Variants in CSNK1G2 observed in about 807,000 individuals in gnomAD.
CSNK1G2 encodes casein kinase 1 gamma 2.
CSNK1G2 carries 11 observed loss-of-function variants against 48.0 expected under a neutral mutation model. That is an observed-to-expected ratio of 0.23 (90% CI 0.14 to 0.38). The LOEUF (loss-of-function observed/expected upper bound fraction) is 0.38. CSNK1G2 is among the 10% of genes least tolerant of loss of function. CSNK1G2 has a pLI of 1.00. For synonymous variants in CSNK1G2, 337 were observed against 254.1 expected (o/e 1.33, Z -3.10); for missense variants, 446 against 595.5 (o/e 0.75, Z 2.61).
intron 1 of CSNK1G2, among the ~76,000 whole-genome samples, chr19:1,945,890 G>T (rs1220413062): frequency 6.6e-6 from 1 of 152,120 alleles, no homozygotes; most frequent in Admixed American, 6.5e-5. Flanking sequence ...GCACGCTGGG[G>T]TAGAGCAGTG....
rs954396307 is a variant in CSNK1G2, at chr19:1,961,287, G to C, written c.-265-8221G>C. On this transcript the variant is annotated intron_variant, in intron 1 of 11. Transcript: ENST00000255641. ...CGGTCCCCATGGCCAGAACCTGGCCGTGGCGGGTGGAGGACTTGAGGCCGG... is the reference window on the plus strand; with the variant it reads ...CGGTCCCCATGGCCAGAACCTGGCCCTGGCGGGTGGAGGACTTGAGGCCGG... 5.3e-5 allele frequency among the ~76,000 whole-genome samples: 8 copies of C among 152,226 alleles called. 1 individual carries two copies. Among genetic ancestry groups the C allele is most frequent in the Admixed American group, 3.3e-4 (5 of 15,284 alleles).
chr19:1,941,675 C>T (rs1962186033), intron 1 of CSNK1G2, among the ~76,000 whole-genome samples: 1 of 149,808 alleles, frequency 6.7e-6, no homozygotes, highest in African/African-American at 2.5e-5. Flanking sequence ...ACCGCCCTAA[C>T]CCGCGCTCAG....
Position 1,978,026 on chromosome 19 carries a change from G to A in CSNK1G2, c.188-279G>A, listed in dbSNP as rs565495200. Among the ~76,000 whole-genome samples, 5 of 151,754 alleles carry A rather than the reference G, an allele frequency of 3.3e-5. No homozygotes were observed. The East Asian group carries it at 7.8e-4, about 24-fold the overall frequency. On this transcript the variant is annotated intron_variant, in intron 2 of 11. Transcript: ENST00000255641. The surrounding 1 kb of genome is among the most constrained non-coding windows in gnomAD (Gnocchi z 7.3). ...GGCCGTGAGAGACCTCCCCAGTGCC[G>A]CTTCTGTCCTGGGCTAGGGAGGTGG...
rs536289886 is a variant in CSNK1G2, at chr19:1,980,433, C to G, written c.*230C>G. On this transcript the variant is annotated 3_prime_UTR_variant, in exon 12 of 12. Coordinates refer to ENST00000255641, the MANE Select transcript of CSNK1G2 (RefSeq NM_001319.7). The stretch of plus-strand genomic sequence containing the variant: ...AATTTCTACACCTGTGTCTAGTCCT[C>G]CCCTCCAAGAGCATTAACTATTTAA... 3.3e-6 allele frequency: 2 copies of G among 606,888 alleles called. No homozygotes were observed. Among genetic ancestry groups the G allele is most frequent in the Admixed American group, 3.0e-5 (1 of 33,338 alleles). The allele number at this position is 606,888 out of a possible 1,614,324, so 37.6% of individuals were successfully genotyped here. A position where few individuals can be genotyped will look rare whatever the true frequency, so the allele number is the denominator to read the frequency against.
In CSNK1G2 at chr19:1,979,995, G is replaced by A; in HGVS notation, c.1171G>A (p.Val391Met). The A allele has an allele frequency of 6.3e-7, 1 of 1,582,074 alleles. No homozygotes were observed. Among genetic ancestry groups the A allele is most frequent in the Non-Finnish European group, 8.6e-7 (1 of 1,163,338 alleles). ...SNAPITAPAEVEVADETKCCC... is the reference protein window; with the variant it reads ...SNAPITAPAEMEVADETKCCC... ...CGCCCCGATCACAGCGCCTGCAGAG[G>A]TGGAGGTGGCCGATGAAACCAAGTA... Residue 391 changes from valine (V) to methionine (M), a missense_variant, in exon 11 of 12, where the codon GTG becomes ATG. By Grantham distance (21) the Val-to-Met change is conservative. Coordinates refer to ENST00000255641, the MANE Select transcript of CSNK1G2 (RefSeq NM_001319.7).
chr19:1,945,948 C>T (rs992485537), intron 1 of CSNK1G2, among the ~76,000 whole-genome samples: 45 of 152,144 alleles, frequency 3.0e-4, no homozygotes, highest in African/African-American at 1.1e-3. Flanking sequence ...GCTGTGGGTG[C>T]CAAGTGGGGC....
intron 1 of CSNK1G2, among the ~76,000 whole-genome samples, chr19:1,964,553 C>T (rs1452629511): frequency 6.6e-6 from 1 of 152,032 alleles, no homozygotes; most frequent in Non-Finnish European, 1.5e-5. Context: ...AAGGTGATGC[C>T]AGGGCTTTTT....
intron 1 of CSNK1G2, among the ~76,000 whole-genome samples, chr19:1,964,458 G>T (rs552202236): frequency 6.6e-6 from 1 of 152,124 alleles, no homozygotes; most frequent in Non-Finnish European, 1.5e-5. Flanking sequence ...GACTTTCCTC[G>T]TGTGGAAGAA....
At chr19:1,975,186 T>C in intron 2 of CSNK1G2, 6 of 985,442 alleles carry the variant, frequency 6.1e-6, no homozygotes, top group Non-Finnish European at 7.2e-6. Flanking sequence ...ATCAAGACGC[T>C]GCCAAGAGCA....
chr19:1,955,145 G>T (rs143791476), intron 1 of CSNK1G2, among the ~76,000 whole-genome samples: 3 of 152,286 alleles, frequency 2.0e-5, no homozygotes, highest in African/African-American at 7.2e-5. Flanking sequence ...TGACCGAGTG[G>T]TGACCGCCTC....
At chr19:1,970,738 G>A (rs1022475846) in intron 2 of CSNK1G2, among the ~76,000 whole-genome samples, 1 of 152,234 alleles carries the variant, frequency 6.6e-6, no homozygotes, top group African/African-American at 2.4e-5. Context: ...GGCATTTGGC[G>A]TCTGTTGCTG....
Position 1,980,621 on chromosome 19 carries a change from A to G in CSNK1G2, c.*418A>G, listed in dbSNP as rs1420914921. The G allele has an allele frequency of 1.8e-5, 4 of 221,964 alleles. No homozygotes were observed. In the East Asian group the frequency reaches 5.9e-4, roughly 33 times the overall value. The allele number at this position is 221,964 out of a possible 1,614,324, so 13.7% of individuals were successfully genotyped here. ...CATAAAGTCCAGCTTGTCTCCCTCGATCCAAAGGCCGTTTTCTCGAGGGGA... is the reference window on the plus strand; with the variant it reads ...CATAAAGTCCAGCTTGTCTCCCTCGGTCCAAAGGCCGTTTTCTCGAGGGGA... On this transcript the variant is annotated 3_prime_UTR_variant, in exon 12 of 12. Coordinates refer to ENST00000255641, the MANE Select transcript of CSNK1G2 (RefSeq NM_001319.7).
In CSNK1G2 at chr19:1,980,334, A is replaced by G. The variant is rs779933743; in HGVS notation, c.*131A>G. On this transcript the variant is annotated 3_prime_UTR_variant, in exon 12 of 12. Coordinates refer to ENST00000255641, the MANE Select transcript of CSNK1G2 (RefSeq NM_001319.7). ...GGCTGGAAGCCAGAACGCAGACTGCAGGGGCCGCGCCTGGCTCAGGCGGCC... is the reference window on the plus strand; with the variant it reads ...GGCTGGAAGCCAGAACGCAGACTGCGGGGGCCGCGCCTGGCTCAGGCGGCC... 7 of 1,149,700 alleles carry G rather than the reference A, an allele frequency of 6.1e-6. No individual in the cohort carries two copies. Among genetic ancestry groups the G allele is most frequent in the Non-Finnish European group, 6.4e-6 (5 of 784,850 alleles). 71.2% of individuals were successfully genotyped at this position (1,149,700 alleles called of 1,614,324 possible).
chr19:1,943,506 G>C (rs2014442876), intron 1 of CSNK1G2, among the ~76,000 whole-genome samples: 1 of 152,186 alleles, frequency 6.6e-6, no homozygotes, highest in Non-Finnish European at 1.5e-5. Context: ...AGTAGGCGAG[G>C]GTTTTTTTAA....
intron 1 of CSNK1G2, among the ~76,000 whole-genome samples, chr19:1,951,763 C>T (rs901230956): frequency 6.8e-6 from 1 of 146,090 alleles, no homozygotes; most frequent in Non-Finnish European, 1.5e-5. Context: ...TCACTGCACG[C>T]TCCGCCTCCC....
chr19:1,970,633 C>G (rs766504931), intron 2 of CSNK1G2, among the ~76,000 whole-genome samples: 1 of 152,302 alleles, frequency 6.6e-6, no homozygotes, highest in East Asian at 1.9e-4. Context: ...CCTTTGGGGC[C>G]GTTCCCAGTC....
chr19:1,942,450 A>C (rs1043139675), intron 1 of CSNK1G2: 1 of 152,290 alleles, frequency 6.6e-6, no homozygotes, highest in Non-Finnish European at 1.5e-5. Flanking sequence ...GGAGTCCAGC[A>C]TCTTCTCCCC....
intron 1 of CSNK1G2, among the ~76,000 whole-genome samples, chr19:1,966,508 T>C (rs139967090): frequency 6.6e-6 from 1 of 152,278 alleles, no homozygotes; most frequent in East Asian, 1.9e-4. Flanking sequence ...CTAGTCCCAG[T>C]GAAGATTCTG....
At chr19:1,942,013 C>G (rs963592461) in intron 1 of CSNK1G2, among the ~76,000 whole-genome samples, 3 of 152,094 alleles carry the variant, frequency 2.0e-5, no homozygotes, top group South Asian at 2.1e-4. Flanking sequence ...GCTGTGTCCC[C>G]GTCCTCACTT....
Sources: allele counts gnomAD v4.1 joint callset (sites outside exome capture counted in the v4.1 genomes callset), GRCh38; gene constraint gnomAD v4.1.1; non-coding constraint Gnocchi (gnomAD v3.1); transcripts MANE v1.5; gene names NCBI Gene and HGNC (gene_info 2026-07-23, HGNC 2026-07-21).